The following LPIN1 variants were observed in gnomAD, a reference collection of about 807,000 sequenced individuals.
The protein encoded by LPIN1 is phosphatidate phosphatase LPIN1.
Under a neutral mutation model 107.5 loss-of-function variants are expected in LPIN1, and 71 were observed. The observed-to-expected ratio is 0.66, with a 90% CI of 0.55 to 0.80. LPIN1 has a LOEUF of 0.80. Among genes scored for constraint, LPIN1 ranks in the 30% least tolerant of loss-of-function variants. The pLI is 0.00. For missense variants in LPIN1, 1,043 were observed against 1,160.6 expected, an observed-to-expected ratio of 0.90 and a Z score of 1.47; for synonymous variants, 445 against 452.6, an observed-to-expected ratio of 0.98 and a Z score of 0.21.
chr2:11,720,669 C>A (rs11695074), upstream of LPIN1, among the ~76,000 whole-genome samples: 41,895 of 151,670 alleles, frequency 0.28, 6,955 homozygotes, highest in African/African-American at 0.48. Context: ...CAATGCAGTG[C>A]GGCTTAAGCT....
At chr2:11,680,139 TGTGGGTGGGAGAG>T (rs1661634611) in intron 1 of LPIN1, among the ~76,000 whole-genome samples, 1 of 151,770 alleles carries the variant, frequency 6.6e-6, no homozygotes, top group Non-Finnish European at 1.5e-5. Context: ...ATGCAGGAGA[TGTGGGTGGGAGAG>T]GTGGGAGCTG....
Position 11,795,399 on chromosome 2 carries a change from C to T in LPIN1, c.1807-9C>T. 6.2e-7 allele frequency: 1 copy of T among 1,612,680 alleles called. No individual in the cohort carries two copies. The highest frequency in any genetic ancestry group is 8.5e-7 in the Non-Finnish European group (1 of 1,178,930). On this transcript the variant is annotated splice_polypyrimidine_tract_variant and intron_variant, in intron 13 of 20. Transcript: ENST00000674199. ...TACTTCTGTGACTCTTTCTTTTCTTCTTTTCTAGGAAAGTAAGCCAGAGCA... is the reference window on the plus strand; with the variant it reads ...TACTTCTGTGACTCTTTCTTTTCTTTTTTTCTAGGAAAGTAAGCCAGAGCA...
chr2:11,729,334 G>C (rs181220860), intron 1 of LPIN1, among the ~76,000 whole-genome samples: 2 of 151,262 alleles, frequency 1.3e-5, no homozygotes, highest in Non-Finnish European at 3.0e-5. Context: ...GTGGAAAAAA[G>C]TATAATTTAC....
At position 11,785,027 on chromosome 2, in the gene LPIN1, C is replaced by T; in HGVS notation, c.1500C>T (p.Ile500=). The change falls in exon 10 of 21, where the codon ATC becomes ATT. Residue 500 remains isoleucine, a synonymous_variant. Transcript: ENST00000674199. ...ACGGGCTGAGGGACCTCCCTTCCAT[C>T]GCCATCTCCCTCTGCGGGGGCCTCA... ...TSDGLRDLPS[I]AISLCGGLSD... is the part of the protein sequence containing the mutation. 3 of 1,607,316 alleles carry T rather than the reference C, an allele frequency of 1.9e-6. No homozygotes were observed. Among genetic ancestry groups the T allele is most frequent in the Middle Eastern group, 1.7e-4 (1 of 5,734 alleles).
intron 17 of LPIN1, among the ~76,000 whole-genome samples, chr2:11,814,057 G>T (rs73189043): frequency 0.047 from 7,196 of 152,264 alleles, 323 homozygotes; most frequent in East Asian, 0.14. Flanking sequence ...TAGGGAGTGT[G>T]GGGGGTGTGG....
intron 18 of LPIN1, chr2:11,818,144 G>A (rs939561299): frequency 6.6e-6 from 1 of 152,202 alleles, no homozygotes; most frequent in African/African-American, 2.4e-5. Context: ...AGCATCGGAA[G>A]TGCTAGGCCT....
chr2:11,814,512 A>ATGTGTGTGTGTGTGTGTGTG (rs71394769), intron 17 of LPIN1, among the ~76,000 whole-genome samples: 61 of 138,526 alleles, frequency 4.4e-4, no homozygotes, highest in African/African-American at 1.5e-3. Context: ...GTGTGTGTGC[A>ATGTGTGTGTGTGTGTGTGTG]TGTGTGTGTG....
chr2:11,728,780 GATTT>G (rs1464566076), intron 1 of LPIN1, among the ~76,000 whole-genome samples: 1 of 151,512 alleles, frequency 6.6e-6, no homozygotes, highest in Admixed American at 6.6e-5. Flanking sequence ...TCTCCCTATT[GATTT>G]ATTCTATATA....
intron 1 of LPIN1, among the ~76,000 whole-genome samples, chr2:11,701,327 G>A (rs1050103748): frequency 1.3e-5 from 2 of 152,144 alleles, no homozygotes; most frequent in African/African-American, 4.8e-5. Context: ...TCCTGTCTTA[G>A]TTATCTTCGT....
intron 1 of LPIN1, among the ~76,000 whole-genome samples, chr2:11,690,105 G>T (rs1021963023): frequency 3.9e-5 from 6 of 151,974 alleles, no homozygotes; most frequent in African/African-American, 1.4e-4. Context: ...TTCAGTTATT[G>T]TTTTCAGTAA....
At chr2:11,740,248 C>T (rs1666204143) in intron 1 of LPIN1, among the ~76,000 whole-genome samples, 1 of 152,162 alleles carries the variant, frequency 6.6e-6, no homozygotes, top group Non-Finnish European at 1.5e-5. Flanking sequence ...TGGAGCCCAG[C>T]CCACACAGGT....
intron 14 of LPIN1, among the ~76,000 whole-genome samples, chr2:11,799,962 G>A (rs1031683764): frequency 6.6e-6 from 1 of 152,120 alleles, no homozygotes; most frequent in African/African-American, 2.4e-5. Flanking sequence ...TTCCATCCAC[G>A]TGTAGCTTAG....
chr2:11,771,280 C>A lies in LPIN1; in HGVS notation c.289-92C>A. The A allele has an allele frequency of 7.7e-7, 1 of 1,307,038 alleles. No individual in the cohort carries two copies. The highest frequency in any genetic ancestry group is 1.7e-5 in the Admixed American group (1 of 57,154). 81.0% of individuals were successfully genotyped at this position (1,307,038 alleles called of 1,614,324 possible). On this transcript the variant is annotated intron_variant, in intron 3 of 20. Coordinates refer to ENST00000674199, the MANE Select transcript of LPIN1 (RefSeq NM_001349206.2). The surrounding 1 kb of genome is among the most constrained non-coding windows in gnomAD (Gnocchi z 4.8). ...TGGCCCTCCCCAGGAGGTGCTTGGC[C>A]TCTGAAGTGAATCCTGGAGGCCTCT... is the stretch of plus-strand genomic sequence containing the variant.
chr2:11,687,197 T>C lies in LPIN1; in HGVS notation c.81+9469T>C, dbSNP rs201729783. Reference sequence around the variant, plus strand: ...TTTTTTTGTAGAAATGGGATCTTGCTCTGTTGTCCAGGCTGGTCTTGAACT... The same window carrying C: ...TTTTTTTGTAGAAATGGGATCTTGCCCTGTTGTCCAGGCTGGTCTTGAACT... On this transcript the variant is annotated intron_variant, in intron 1 of 21. Coordinates refer to the LPIN1 transcript ENST00000449576. Among the ~76,000 whole-genome samples, 26 of 152,114 alleles carry C rather than the reference T, an allele frequency of 1.7e-4. No individual in the cohort carries two copies. The East Asian group carries it at 4.3e-3, about 25-fold the overall frequency.
chr2:11,766,693 G>A (rs1423449341), intron 2 of LPIN1, among the ~76,000 whole-genome samples: 1 of 152,186 alleles, frequency 6.6e-6, no homozygotes, highest in Non-Finnish European at 1.5e-5. Context: ...AGCAGAGGAA[G>A]GGAAAACCCT....
At chr2:11,685,325 G>A (rs931930774) in intron 1 of LPIN1, among the ~76,000 whole-genome samples, 5 of 152,218 alleles carry the variant, frequency 3.3e-5, no homozygotes, top group African/African-American at 1.2e-4. Context: ...GCACAGGCCA[G>A]CATGGAGGCA....
chr2:11,749,928 C>T (rs1667535914), intron 1 of LPIN1, among the ~76,000 whole-genome samples: 1 of 152,236 alleles, frequency 6.6e-6, no homozygotes, highest in Admixed American at 6.5e-5. Flanking sequence ...CAGAAATAGC[C>T]ATAGGCTGTT....
chr2:11,719,797 T>C (rs1360182072), upstream of LPIN1, among the ~76,000 whole-genome samples: 1 of 151,148 alleles, frequency 6.6e-6, no homozygotes, highest in Non-Finnish European at 1.5e-5. Context: ...GCTTCTTTTT[T>C]TTTTTTTTTT....
rs547953971 is a variant in LPIN1 at position 11,805,264 on chromosome 2, C to T, written c.2249+108C>T. On this transcript the variant is annotated intron_variant, in intron 17 of 20. Coordinates refer to ENST00000674199, the MANE Select transcript of LPIN1 (RefSeq NM_001349206.2). ...AGCACGGGGTGACTTGCAGAGAGGG[C>T]TGCACCTCAACCAGGGAGGGGCAGT... is the stretch of plus-strand genomic sequence containing the variant. 85 of 887,410 alleles carry T rather than the reference C, an allele frequency of 9.6e-5. No homozygotes were observed. The South Asian group carries it at 1.1e-3, about 11-fold the overall frequency. 55.0% of individuals were successfully genotyped at this position (887,410 alleles called of 1,614,324 possible).
Sources: gnomAD v4.1 joint callset for allele counts (sites outside exome capture counted in the v4.1 genomes callset) on GRCh38, gnomAD v4.1.1 for gene constraint, Gnocchi (gnomAD v3.1) non-coding constraint, MANE v1.5 for transcripts, NCBI Gene and HGNC (gene_info 2026-07-23, HGNC 2026-07-21) for gene names.